The following TMCC1 variants were observed in gnomAD, a reference collection of about 807,000 sequenced individuals.
TMCC1 encodes transmembrane and coiled-coil domain family 1.
A neutral mutation model predicts 52.4 loss-of-function variants in TMCC1; 15 were observed. The observed-to-expected ratio is 0.29, with a 90% CI of 0.19 to 0.44. The LOEUF (loss-of-function observed/expected upper bound fraction) is 0.44, where lower values mean the gene tolerates loss of function less well. Ranked by LOEUF, TMCC1 falls within the 20% of genes least tolerant of loss-of-function variation. TMCC1 has a pLI of 1.00. For missense variants in TMCC1, 503 were observed against 806.0 expected (o/e 0.62, Z 4.55); for synonymous variants, 279 against 301.9 (o/e 0.92, Z 0.79).
chr3:129,863,409 GA>G (rs1483966586), intron 2 of TMCC1, among the ~76,000 whole-genome samples: 20 of 152,054 alleles, frequency 1.3e-4, no homozygotes, highest in Non-Finnish European at 2.9e-4. Context: ...CAAAAATCAA[GA>G]AGAAAAACAA....
At chr3:129,652,429 T>C (rs543430016) in intron 6 of TMCC1, among the ~76,000 whole-genome samples, 2 of 152,328 alleles carry the variant, frequency 1.3e-5, no homozygotes, top group East Asian at 3.9e-4. Context: ...TGCCTTATTA[T>C]ATCCCCTCCC....
At chr3:129,705,057 T>A (rs1410226008) in intron 4 of TMCC1, among the ~76,000 whole-genome samples, 1 of 152,166 alleles carries the variant, frequency 6.6e-6, no homozygotes, top group South Asian at 2.1e-4. Context: ...TCCCTTTAGA[T>A]CCTAATTTAG....
intron 5 of TMCC1, among the ~76,000 whole-genome samples, chr3:129,660,127 C>A (rs1298773151): frequency 6.6e-6 from 1 of 152,150 alleles, no homozygotes; most frequent in Non-Finnish European, 1.5e-5. Flanking sequence ...ATTCCCACTT[C>A]TGACTTTTTT....
At chr3:129,720,122 C>A (rs1279721641) in intron 4 of TMCC1, among the ~76,000 whole-genome samples, 1 of 146,280 alleles carries the variant, frequency 6.8e-6, no homozygotes, top group Non-Finnish European at 1.5e-5. Flanking sequence ...ATCCAGGCTG[C>A]AGTGACCTGT....
chr3:129,877,107 ATT>A (rs1015458370), intron 2 of TMCC1, among the ~76,000 whole-genome samples: 4 of 152,166 alleles, frequency 2.6e-5, no homozygotes, highest in African/African-American at 9.7e-5. Flanking sequence ...AGAGTTACAG[ATT>A]TTTATCTGAA....
At chr3:129,858,718 A>C (rs146924987) in intron 2 of TMCC1, among the ~76,000 whole-genome samples, 1 of 152,060 alleles carries the variant, frequency 6.6e-6, no homozygotes, top group Non-Finnish European at 1.5e-5. Flanking sequence ...ATCAAAAAAA[A>C]TTTTTTTCAG....
rs1022814594 is a variant in TMCC1 at position 129,653,536 on chromosome 3, C to G, written c.1647+1432G>C. Reference sequence around the variant, plus strand: ...TCAGCTCACTGCCAGCTCCACCTCCCAGGTTCAGGCCATTCTTCTGCCTCA... The same window carrying G: ...TCAGCTCACTGCCAGCTCCACCTCCGAGGTTCAGGCCATTCTTCTGCCTCA... On this transcript the variant is annotated intron_variant, in intron 6 of 6. Coordinates refer to ENST00000393238, the MANE Select transcript of TMCC1 (RefSeq NM_001017395.5). Among the ~76,000 whole-genome samples, 48 of 152,214 alleles carry G rather than the reference C, an allele frequency of 3.2e-4. 1 individual carries two copies. Among genetic ancestry groups the G allele is most frequent in the Non-Finnish European group, 7.3e-5 (5 of 68,040 alleles).
chr3:129,875,693 A>G (rs2061168843), intron 2 of TMCC1, among the ~76,000 whole-genome samples: 1 of 152,254 alleles, frequency 6.6e-6, no homozygotes, highest in African/African-American at 2.4e-5. Context: ...TAAGCAATAC[A>G]TATTTTTTTT....
At chr3:129,769,164 C>T (rs1049431834) in intron 4 of TMCC1, among the ~76,000 whole-genome samples, 4 of 152,232 alleles carry the variant, frequency 2.6e-5, no homozygotes, top group Admixed American at 2.0e-4. Flanking sequence ...GCCAGCGGGC[C>T]GCACGTGGCC....
intron 4 of TMCC1, among the ~76,000 whole-genome samples, chr3:129,767,498 G>C (rs563089000): frequency 1.3e-4 from 19 of 151,994 alleles, no homozygotes; most frequent in African/African-American, 4.6e-4. Flanking sequence ...TCACCCTCTT[G>C]AGTAGCTAGG....
chr3:129,859,530 G>C, intron 2 of TMCC1, among the ~76,000 whole-genome samples: 1 of 151,932 alleles, frequency 6.6e-6, no homozygotes, highest in East Asian at 1.9e-4. Flanking sequence ...CCAGGTACTT[G>C]GGAGGCTGAG....
chr3:129,660,147 T>TTTG (rs1396617739), intron 5 of TMCC1, among the ~76,000 whole-genome samples: 1 of 151,854 alleles, frequency 6.6e-6, no homozygotes, highest in African/African-American at 2.4e-5. Context: ...TCTCTAAGCC[T>TTTG]TTGTTGTTGT....
intron 2 of TMCC1, among the ~76,000 whole-genome samples, chr3:129,849,449 G>A (rs1321087857): frequency 1.3e-5 from 2 of 149,306 alleles, no homozygotes; most frequent in African/African-American, 2.5e-5. Flanking sequence ...GCAACAGAGC[G>A]AGACTCCATC....
At chr3:129,825,001 T>G (rs143268044) in intron 4 of TMCC1, among the ~76,000 whole-genome samples, 112 of 152,302 alleles carry the variant, frequency 7.4e-4, no homozygotes, top group African/African-American at 2.6e-3. Context: ...TATTTAATAG[T>G]CACTGTGCTC....
intron 1 of TMCC1, among the ~76,000 whole-genome samples, chr3:129,882,475 A>C (rs903860999): frequency 3.9e-5 from 6 of 152,198 alleles, no homozygotes; most frequent in African/African-American, 1.4e-4. Flanking sequence ...AAAAATGAAA[A>C]TAGAATTACC....
chr3:129,674,054 C>A (rs1455944155), intron 4 of TMCC1, among the ~76,000 whole-genome samples: 17 of 152,124 alleles, frequency 1.1e-4, no homozygotes, highest in Admixed American at 1.1e-3. Flanking sequence ...GGTTTGTAGC[C>A]TAGAAACAAT....
At chr3:129,696,395 T>C (rs2047419467) in intron 4 of TMCC1, among the ~76,000 whole-genome samples, 1 of 152,258 alleles carries the variant, frequency 6.6e-6, no homozygotes, top group Non-Finnish European at 1.5e-5. Flanking sequence ...TCAAATGTAT[T>C]TGATTGATGT....
chr3:129,874,408 C>A (rs2061085598), intron 2 of TMCC1, among the ~76,000 whole-genome samples: 1 of 152,150 alleles, frequency 6.6e-6, no homozygotes, highest in African/African-American at 2.4e-5. Context: ...ATCTAAGAAT[C>A]TAAAAAATAG....
intron 2 of TMCC1, among the ~76,000 whole-genome samples, chr3:129,876,514 C>A (rs1560601000): frequency 6.6e-6 from 1 of 151,892 alleles, no homozygotes; most frequent in African/African-American, 2.4e-5. Context: ...AATAAAGGAG[C>A]CAGGTTCAGT....
Sources: gnomAD v4.1 joint callset for allele counts (sites outside exome capture counted in the v4.1 genomes callset) on GRCh38, gnomAD v4.1.1 for gene constraint, MANE v1.5 for transcripts, NCBI Gene and HGNC (gene_info 2026-07-23, HGNC 2026-07-21) for gene names.